CACNA1A: variants seen among roughly 807,000 people sequenced by gnomAD.
CACNA1A encodes voltage-dependent P/Q-type calcium channel subunit alpha-1A.
Under a neutral mutation model 262.4 loss-of-function variants are expected in CACNA1A, and 57 were observed. That is an observed-to-expected ratio of 0.22 (90% CI 0.18 to 0.27). The LOEUF is 0.27. Ranked by LOEUF, CACNA1A falls within the 10% of genes least tolerant of loss-of-function variation. The pLI is 1.00. For synonymous variants in CACNA1A, 1,431 were observed against 1,419.3 expected (o/e 1.01, Z -0.18); for missense variants, 2,526 against 3,562.8 (o/e 0.71, Z 7.41).
chr19:13,393,654 G>A (rs1441076185), intron 3 of CACNA1A, among the ~76,000 whole-genome samples: 1 of 136,598 alleles, frequency 7.3e-6, no homozygotes, highest in Non-Finnish European at 1.5e-5. Context: ...TTCTTTCTCT[G>A]TCTTCCTCTT....
intron 24 of CACNA1A, chr19:13,275,532 A>G (rs1240507752): frequency 2.6e-6 from 1 of 387,888 alleles, no homozygotes; most frequent in African/African-American, 2.0e-5. Flanking sequence ...CTTGTGGAGT[A>G]GTAGGGGGAT....
intron 3 of CACNA1A, chr19:13,450,791 G>A (rs1284269967): frequency 1.3e-5 from 2 of 152,184 alleles, no homozygotes; most frequent in East Asian, 1.9e-4. Flanking sequence ...TGAGTAATTG[G>A]GGTTACAGGC....
At chr19:13,334,107 T>C (rs2058515489) in intron 8 of CACNA1A, 1 of 427,104 alleles carries the variant, frequency 2.3e-6, no homozygotes. Context: ...CAGGGATGTG[T>C]GGTGCATGGG....
At chr19:13,298,441 TTATAA>T (rs1451682532) in intron 19 of CACNA1A, 98 bp downstream of exon 19, 9 of 1,157,478 alleles carry the variant, frequency 7.8e-6, no homozygotes, top group African/African-American at 1.6e-5. Context: ...ATACAGCATT[TTATAA>T]TATATTTTTA....
chr19:13,435,150 G>A (rs920774518), intron 3 of CACNA1A, among the ~76,000 whole-genome samples: 2 of 151,208 alleles, frequency 1.3e-5, no homozygotes, highest in Non-Finnish European at 2.9e-5. Context: ...GTCTCACTCT[G>A]TCTCCCAGGC....
intron 1 of CACNA1A, among the ~76,000 whole-genome samples, chr19:13,503,948 C>A (rs1008479358): frequency 6.6e-6 from 1 of 152,116 alleles, no homozygotes; most frequent in East Asian, 1.9e-4. Context: ...CCCCCTCTCC[C>A]CCAACAGCCC....
intron 22 of CACNA1A, among the ~76,000 whole-genome samples, chr19:13,278,230 C>T (rs1450561322): frequency 6.6e-6 from 1 of 152,156 alleles, no homozygotes; most frequent in Non-Finnish European, 1.5e-5. Flanking sequence ...CCACCTCATT[C>T]AGGGATAAAA....
intron 29 of CACNA1A, among the ~76,000 whole-genome samples, chr19:13,253,998 C>G (rs1479306983): frequency 6.6e-6 from 1 of 152,178 alleles, no homozygotes; most frequent in East Asian, 1.9e-4. Context: ...CTCGACCTCC[C>G]AAAGTGCTGG....
intron 6 of CACNA1A, among the ~76,000 whole-genome samples, chr19:13,358,292 G>A (rs1316183731): frequency 2.0e-5 from 3 of 152,086 alleles, no homozygotes; most frequent in African/African-American, 4.8e-5. Flanking sequence ...AAGGCCAGGC[G>A]TGGTGGCTCA....
Position 13,214,735 on chromosome 19 carries a change from T to G in CACNA1A, c.5732-127A>C. 1 of 714,714 alleles carries G rather than the reference T, an allele frequency of 1.4e-6. No homozygotes were observed. Among genetic ancestry groups the G allele is most frequent in the Non-Finnish European group, 2.4e-6 (1 of 415,424 alleles). 44.3% of individuals were successfully genotyped at this position (714,714 alleles called of 1,614,324 possible). A position where few individuals can be genotyped will look rare whatever the true frequency, so the allele number is the denominator to read the frequency against. The stretch of plus-strand genomic sequence containing the variant: ...TTTCTGGTCCCCATGGGGTCTCCAG[T>G]TCCCCAACGGCCTGGCCCAGAGGAG... On this transcript the variant is annotated intron_variant, in intron 38 of 46. Transcript: ENST00000360228. This position sits in a 1 kb window ranked among gnomAD's most constrained non-coding sequence, Gnocchi z 4.1.
chr19:13,230,914 A>T (rs1280304077), intron 35 of CACNA1A, among the ~76,000 whole-genome samples: 1 of 151,926 alleles, frequency 6.6e-6, no homozygotes, highest in Non-Finnish European at 1.5e-5. Flanking sequence ...ACACCAAGAG[A>T]ACCACTGTGA....
At chr19:13,277,300 T>C (rs2057174289) in intron 22 of CACNA1A, 172 bp from the exon 23 acceptor site, 2 of 554,364 alleles carry the variant, frequency 3.6e-6, no homozygotes, top group African/African-American at 3.8e-5. Context: ...CCCATCTCTT[T>C]TCATACTGCA....
chr19:13,303,712 C>T (rs965834764), intron 16 of CACNA1A, 55 bp downstream of exon 16: 1 of 1,563,340 alleles, frequency 6.4e-7, no homozygotes, highest in Non-Finnish European at 8.8e-7. Context: ...CCCCTGCAAC[C>T]TCTCCTCTGC....
intron 24 of CACNA1A, among the ~76,000 whole-genome samples, chr19:13,269,685 G>C (rs1300706158): frequency 6.6e-6 from 1 of 152,222 alleles, no homozygotes; most frequent in East Asian, 1.9e-4. Context: ...CTGATGCATG[G>C]GCACAGAGCG....
chr19:13,469,460 CTTTTTTTTTTTTTTT>C (rs1164678494), intron 1 of CACNA1A, among the ~76,000 whole-genome samples: 3 of 62,154 alleles, frequency 4.8e-5, no homozygotes, highest in African/African-American at 1.3e-4. Flanking sequence ...TGAACCACCT[CTTTTTTTTTTTTTTT>C]TTTTTTTTTT....
At chr19:13,390,804 G>A (rs2059697573) in intron 3 of CACNA1A, among the ~76,000 whole-genome samples, 1 of 152,064 alleles carries the variant, frequency 6.6e-6, no homozygotes, top group South Asian at 2.1e-4. Flanking sequence ...CTGAGGCTCA[G>A]AGAGGTTGAT....
chr19:13,413,855 T>A (rs1427473313), intron 3 of CACNA1A, among the ~76,000 whole-genome samples: 1 of 128,192 alleles, frequency 7.8e-6, no homozygotes, highest in Admixed American at 8.2e-5. Context: ...CACTTCAGTC[T>A]GGGTGACAGA....
chr19:13,405,186 G>A (rs1409877878), intron 3 of CACNA1A, among the ~76,000 whole-genome samples: 7 of 150,582 alleles, frequency 4.6e-5, no homozygotes, highest in Admixed American at 1.3e-4. Flanking sequence ...ATGAGCCAGC[G>A]CGCCCGGCCA....
chr19:13,405,291 C>T (rs558376625), intron 3 of CACNA1A, among the ~76,000 whole-genome samples: 147 of 152,146 alleles, frequency 9.7e-4, no homozygotes, highest in Non-Finnish European at 1.8e-3. Context: ...TTCCTGGGCT[C>T]AAGCAATCCT....
Sources: gnomAD v4.1 joint callset for allele counts (sites outside exome capture counted in the v4.1 genomes callset) on GRCh38, gnomAD v4.1.1 for gene constraint, Gnocchi (gnomAD v3.1) non-coding constraint, MANE v1.5 for transcripts, NCBI Gene and HGNC (gene_info 2026-07-23, HGNC 2026-07-21) for gene names.